The following ABCC9 variants were observed in gnomAD, a reference collection of about 807,000 sequenced individuals.
The protein encoded by ABCC9 is ATP-binding cassette sub-family C member 9.
Under a neutral mutation model 188.3 loss-of-function variants are expected in ABCC9, and 95 were observed. The observed-to-expected ratio is 0.50, with a 90% confidence interval of 0.43 to 0.60. The LOEUF is 0.60. Among genes scored for constraint, ABCC9 ranks in the 20% least tolerant of loss-of-function variants. The probability of loss-of-function intolerance (pLI) is 0.00; values close to 1 mark genes in which losing one functional copy is unlikely to be tolerated. For synonymous variants in ABCC9, 659 were observed against 652.7 expected (o/e 1.01, Z -0.15); for missense variants, 1,102 against 1,876.3 (o/e 0.59, Z 7.62).
At chr12:21,830,395 G>A (rs551158539) in intron 30 of ABCC9, among the ~76,000 whole-genome samples, 1 of 152,078 alleles carries the variant, frequency 6.6e-6, no homozygotes, top group Non-Finnish European at 1.5e-5. Flanking sequence ...CTGCAGCCAC[G>A]GCTTGTCTTA....
intron 24 of ABCC9, among the ~76,000 whole-genome samples, chr12:21,849,075 C>T (rs1565736159): frequency 6.6e-6 from 1 of 152,098 alleles, no homozygotes; most frequent in African/African-American, 2.4e-5. Flanking sequence ...GGAAAACCAA[C>T]CATTTCCCCT....
chr12:21,873,343 AG>A (rs1464397374), intron 17 of ABCC9, among the ~76,000 whole-genome samples: 3 of 152,154 alleles, frequency 2.0e-5, no homozygotes, highest in Non-Finnish European at 2.9e-5. Flanking sequence ...TTAGCATATA[AG>A]TACTTGGAAA....
chr12:21,904,145 C>A (rs1001936700), intron 12 of ABCC9, among the ~76,000 whole-genome samples: 38 of 144,604 alleles, frequency 2.6e-4, no homozygotes, highest in African/African-American at 8.3e-4. Flanking sequence ...ACCATCTGAT[C>A]TTTGACAAAC....
In ABCC9 at chr12:21,859,617, G is replaced by C. The variant is rs964127282; in HGVS notation, c.2474C>G (p.Ala825Gly). 6.2e-7 allele frequency: 1 copy of C among 1,613,684 alleles called. No individual in the cohort carries two copies. Among genetic ancestry groups the C allele is most frequent in the Non-Finnish European group, 8.5e-7 (1 of 1,179,840 alleles). Residue 825 changes from alanine to glycine, a missense_variant, in exon 22 of 40, where the codon GCG (alanine) becomes GGG (glycine). This residue lies in a region of ABCC9 where 31 missense variants were observed against 78.8 expected (regional missense o/e 0.39). Coordinates refer to ENST00000261200, the MANE Select transcript of ABCC9 (RefSeq NM_020297.4). Reference protein sequence around the residue: ...GQRQRICVARALYQNTNIVFL... With the variant: ...GQRQRICVARGLYQNTNIVFL... ...GACAATGTTGGTGTTTTGATACAGC[G>C]CTCGTGCCACACAGATTCTCTGCCT...
chr12:21,815,428 G>T (rs769880697), intron 34 of ABCC9, among the ~76,000 whole-genome samples: 3 of 151,792 alleles, frequency 2.0e-5, no homozygotes, highest in Admixed American at 6.6e-5. Flanking sequence ...ATAACTAAAA[G>T]AAGTCATTTG....
At chr12:21,913,758 T>C (rs1019078713) in intron 7 of ABCC9, among the ~76,000 whole-genome samples, 2 of 152,186 alleles carry the variant, frequency 1.3e-5, no homozygotes, top group African/African-American at 4.8e-5. Context: ...TTTTAAGACC[T>C]GAGCAATCAT....
intron 24 of ABCC9, among the ~76,000 whole-genome samples, chr12:21,849,388 CAG>C (rs1944848594): frequency 6.6e-6 from 1 of 152,060 alleles, no homozygotes; most frequent in Admixed American, 6.6e-5. Context: ...CCCATTTTTA[CAG>C]AGAGTTTGAC....
intron 30 of ABCC9, among the ~76,000 whole-genome samples, chr12:21,832,068 A>G (rs1411631691): frequency 6.6e-6 from 1 of 152,200 alleles, no homozygotes; most frequent in East Asian, 1.9e-4. Flanking sequence ...ATTTGGCAAG[A>G]AACCTTCTGT....
intron 35 of ABCC9, among the ~76,000 whole-genome samples, chr12:21,812,619 T>A (rs528891563): frequency 6.6e-6 from 1 of 152,234 alleles, no homozygotes; most frequent in East Asian, 1.9e-4. Flanking sequence ...AAATACTGCA[T>A]GTTCTCACTC....
chr12:21,877,371 T>C (rs1449846268), intron 16 of ABCC9, among the ~76,000 whole-genome samples: 2 of 152,146 alleles, frequency 1.3e-5, no homozygotes. Flanking sequence ...TGAATGTCAA[T>C]GAAAGCATTT....
intron 14 of ABCC9, among the ~76,000 whole-genome samples, chr12:21,888,592 A>G (rs567248227): frequency 2.0e-5 from 3 of 152,188 alleles, no homozygotes; most frequent in East Asian, 1.9e-4. Flanking sequence ...TACGAATCAC[A>G]TTATGTATTT....
intron 31 of ABCC9, among the ~76,000 whole-genome samples, chr12:21,818,994 A>G (rs931852221): frequency 2.0e-5 from 3 of 152,214 alleles, no homozygotes; most frequent in Non-Finnish European, 4.4e-5. Flanking sequence ...AAGTATGGAC[A>G]TGTCTTAATG....
At chr12:21,834,786 T>TACACACACACACACACAC (rs61211269) in intron 30 of ABCC9, among the ~76,000 whole-genome samples, 1 of 141,508 alleles carries the variant, frequency 7.1e-6, no homozygotes, top group African/African-American at 2.6e-5. Context: ...TATAACATTA[T>TACACACACACACACACAC]ACACACACAC....
chr12:21,834,692 T>G (rs1343757388), intron 30 of ABCC9, among the ~76,000 whole-genome samples: 12 of 151,912 alleles, frequency 7.9e-5, no homozygotes, highest in Admixed American at 7.9e-4. Context: ...TTTCCATCCA[T>G]CTGTTCCTTT....
At chr12:21,885,863 T>A (rs1184456421) in intron 15 of ABCC9, among the ~76,000 whole-genome samples, 2 of 152,198 alleles carry the variant, frequency 1.3e-5, no homozygotes, top group Non-Finnish European at 2.9e-5. Flanking sequence ...TTGCCTTTTT[T>A]AGCAGTTTTA....
At chr12:21,842,167 A>C in intron 29 of ABCC9, 147 bp downstream of exon 29, 1 of 925,030 alleles carries the variant, frequency 1.1e-6, no homozygotes. Context: ...AGTACTCGGC[A>C]CATGACAAAT....
At chr12:21,828,422 C>G (rs1308446797) in intron 31 of ABCC9, 1 of 185,830 alleles carries the variant, frequency 5.4e-6, no homozygotes, top group African/African-American at 2.4e-5. Flanking sequence ...TCTTATTTTA[C>G]AGATGAGGAA....
chr12:21,899,733 C>T (rs1052295896), intron 12 of ABCC9, among the ~76,000 whole-genome samples: 1 of 152,146 alleles, frequency 6.6e-6, no homozygotes, highest in Non-Finnish European at 1.5e-5. Flanking sequence ...AGTCTGAGAT[C>T]GAACTGTAAG....
chr12:21,818,365 GTTAA>G, intron 31 of ABCC9, 114 bp from the exon 32 acceptor site: 1 of 824,318 alleles, frequency 1.2e-6, no homozygotes, highest in South Asian at 1.4e-5. Context: ...TGTGTGTCCT[GTTAA>G]GTTTCAGAGG....
Sources: gnomAD v4.1 joint callset for allele counts (sites outside exome capture counted in the v4.1 genomes callset) on GRCh38, gnomAD v4.1.1 for gene constraint, gnomAD v4.1.1 regional missense constraint, MANE v1.5 for transcripts, NCBI Gene and HGNC (gene_info 2026-07-23, HGNC 2026-07-21) for gene names.